LPP: variants seen among roughly 807,000 people sequenced by gnomAD.
LPP encodes lipoma-preferred partner.
LPP carries 38 observed loss-of-function variants against 60.4 expected under a neutral mutation model. The observed-to-expected ratio is 0.63, with a 90% CI of 0.49 to 0.83. LPP has a LOEUF of 0.83. Among genes scored for constraint, LPP ranks in the 40% least tolerant of loss-of-function variants. The pLI is 0.00. For synonymous variants in LPP, 328 were observed against 290.8 expected (o/e 1.13, Z -1.30); for missense variants, 902 against 783.6 (o/e 1.15, Z -1.80).
intron 1 of LPP, among the ~76,000 whole-genome samples, chr3:188,222,984 G>T (rs1271378213): frequency 6.6e-6 from 1 of 152,142 alleles, no homozygotes; most frequent in Admixed American, 6.6e-5. Context: ...TGCCATTTAT[G>T]GGCAACATGT....
At chr3:188,688,783 T>A (rs1861442436) in intron 7 of LPP, 1 of 527,676 alleles carries the variant, frequency 1.9e-6, no homozygotes, top group African/African-American at 1.9e-5. Flanking sequence ...TTTAAAATGG[T>A]CCTTGCCCTC....
intron 7 of LPP, among the ~76,000 whole-genome samples, chr3:188,692,201 G>C (rs1396789578): frequency 6.6e-6 from 1 of 152,222 alleles, no homozygotes; most frequent in Non-Finnish European, 1.5e-5. Context: ...TGCTATGCCA[G>C]GGTCCTGGGT....
intron 7 of LPP, among the ~76,000 whole-genome samples, chr3:188,649,370 C>T (rs1851666709): frequency 6.6e-6 from 1 of 152,132 alleles, no homozygotes; most frequent in Non-Finnish European, 1.5e-5. Context: ...AGAGTGGCCT[C>T]CAGTGTTTGG....
intron 3 of LPP, among the ~76,000 whole-genome samples, chr3:188,373,365 C>T (rs1431734961): frequency 6.6e-6 from 1 of 152,188 alleles, no homozygotes; most frequent in Non-Finnish European, 1.5e-5. Context: ...TTCTCCAGCA[C>T]CTGTTGTTTC....
At chr3:188,334,358 T>G (rs961806942) in intron 2 of LPP, among the ~76,000 whole-genome samples, 3 of 100,544 alleles carry the variant, frequency 3.0e-5, no homozygotes, top group African/African-American at 1.1e-4. Flanking sequence ...ATTGAAAATG[T>G]TTTTTTTTTT....
chr3:188,795,204 A>G (rs898640313), intron 9 of LPP, among the ~76,000 whole-genome samples: 1 of 152,216 alleles, frequency 6.6e-6, no homozygotes, highest in African/African-American at 2.4e-5. Context: ...GTTTTTACCC[A>G]AAGTGTTATC....
At chr3:188,785,646 A>G (rs1741607679) in intron 9 of LPP, among the ~76,000 whole-genome samples, 2 of 150,176 alleles carry the variant, frequency 1.3e-5, no homozygotes, top group South Asian at 2.1e-4. Flanking sequence ...TGATTTTGCA[A>G]TTGCGAATTG....
intron 8 of LPP, among the ~76,000 whole-genome samples, chr3:188,720,368 T>G (rs1715834961): frequency 6.6e-6 from 1 of 152,170 alleles, no homozygotes; most frequent in South Asian, 2.1e-4. Context: ...CCAAGGGCTT[T>G]GATAGAGAAC....
intron 1 of LPP, among the ~76,000 whole-genome samples, chr3:188,214,982 A>G (rs1324914009): frequency 1.3e-5 from 2 of 152,156 alleles, no homozygotes; most frequent in East Asian, 3.8e-4. Context: ...TGTAATACAT[A>G]TAAAATTTGC....
chr3:188,248,189 A>G (rs1727695597), intron 2 of LPP, among the ~76,000 whole-genome samples: 1 of 151,958 alleles, frequency 6.6e-6, no homozygotes, highest in Non-Finnish European at 1.5e-5. Context: ...CACCCAAACA[A>G]CGTGAATGTA....
At position 188,883,157 on chromosome 3, in the gene LPP, T is replaced by C. The variant is rs1770250449; in HGVS notation, c.*8678T>C. 4.6e-6 allele frequency: 1 copy of C among 219,500 alleles called. No individual in the cohort carries two copies. Among genetic ancestry groups the C allele is most frequent in the Admixed American group, 5.8e-5 (1 of 17,270 alleles). The allele number at this position is 219,500 out of a possible 1,614,324, so 13.6% of individuals were successfully genotyped here. ...GGTGCCACACAAAACCTGTAGTACA[T>C]GATACAGTGTTGCTTCCCCCCTCCT... is the stretch of plus-strand genomic sequence containing the variant. On this transcript the variant is annotated 3_prime_UTR_variant, in exon 12 of 12. Coordinates refer to ENST00000617246, the MANE Select transcript of LPP (RefSeq NM_001375462.1).
chr3:188,257,026 A>C (rs146980757), intron 2 of LPP, among the ~76,000 whole-genome samples: 1 of 152,286 alleles, frequency 6.6e-6, no homozygotes, highest in East Asian at 1.9e-4. Flanking sequence ...AATATGTGGC[A>C]TAGAGACGTG....
chr3:188,353,115 A>G (rs1267319497), intron 3 of LPP, among the ~76,000 whole-genome samples: 3 of 152,172 alleles, frequency 2.0e-5, no homozygotes, highest in Non-Finnish European at 4.4e-5. Flanking sequence ...GGAGTACTGT[A>G]TAATGTCAAG....
chr3:188,508,121 G>A (rs1814112593), intron 5 of LPP, among the ~76,000 whole-genome samples: 1 of 152,180 alleles, frequency 6.6e-6, no homozygotes, highest in Admixed American at 6.5e-5. Flanking sequence ...GGCAGACAAG[G>A]ACCTTAACCA....
At chr3:188,573,404 C>T (rs1833932629) in intron 6 of LPP, among the ~76,000 whole-genome samples, 1 of 151,988 alleles carries the variant, frequency 6.6e-6, no homozygotes, top group Non-Finnish European at 1.5e-5. Context: ...TCACCTGGAT[C>T]AGCCCCAAAT....
At chr3:188,260,787 C>G (rs977958570) in intron 2 of LPP, among the ~76,000 whole-genome samples, 23 of 152,224 alleles carry the variant, frequency 1.5e-4, no homozygotes, top group Admixed American at 4.6e-4. Flanking sequence ...AATCCCAGCA[C>G]TTTGGGAGGC....
intron 6 of LPP, among the ~76,000 whole-genome samples, chr3:188,557,596 G>C (rs900336206): frequency 2.0e-5 from 3 of 152,034 alleles, no homozygotes; most frequent in Non-Finnish European, 2.9e-5. Flanking sequence ...TAATAAAGAA[G>C]CTATATTTAT....
intron 2 of LPP, among the ~76,000 whole-genome samples, chr3:188,329,181 C>G (rs752531146): frequency 1.3e-5 from 2 of 152,204 alleles, no homozygotes; most frequent in Non-Finnish European, 2.9e-5. Context: ...CCAGTCCCTT[C>G]ATTTGACAGG....
intron 9 of LPP, among the ~76,000 whole-genome samples, chr3:188,807,007 G>T (rs1749351064): frequency 6.6e-6 from 1 of 151,554 alleles, no homozygotes; most frequent in African/African-American, 2.4e-5. Context: ...CTTTGTGTCT[G>T]ATACCGTATT....
Sources: gnomAD v4.1 joint callset for allele counts (sites outside exome capture counted in the v4.1 genomes callset) on GRCh38, gnomAD v4.1.1 for gene constraint, MANE v1.5 for transcripts, NCBI Gene and HGNC (gene_info 2026-07-23, HGNC 2026-07-21) for gene names.